Variants in CDH13 observed in about 807,000 individuals in gnomAD.
CDH13 encodes cadherin-13.
In CDH13, 24 loss-of-function variants were observed where a neutral mutation model predicts 63.8. The ratio of observed to expected loss-of-function variants is 0.38; its 90% CI spans 0.27 to 0.53. The LOEUF is 0.53. Among genes scored for constraint, CDH13 ranks in the 20% least tolerant of loss-of-function variants. The probability of loss-of-function intolerance (pLI) is 0.85; values close to 1 mark genes in which losing one functional copy is unlikely to be tolerated. For missense variants in CDH13, 1,049 were observed against 903.1 expected (o/e 1.16, Z -2.07); for synonymous variants, 503 against 355.3 (o/e 1.42, Z -4.67).
intron 1 of CDH13, among the ~76,000 whole-genome samples, chr16:82,778,034 A>T (rs1166029384): frequency 6.6e-6 from 1 of 152,232 alleles, no homozygotes; most frequent in East Asian, 1.9e-4. Context: ...TCTATGCTTT[A>T]GAAGCGAGTC....
chr16:83,320,773 G>C (rs1024496617), intron 5 of CDH13, among the ~76,000 whole-genome samples: 4 of 152,142 alleles, frequency 2.6e-5, no homozygotes, highest in Non-Finnish European at 4.4e-5. Context: ...ATGAGAAAAA[G>C]CACACATCAC....
chr16:83,738,921 G>A (rs542372246), intron 10 of CDH13, among the ~76,000 whole-genome samples: 3 of 152,154 alleles, frequency 2.0e-5, no homozygotes, highest in South Asian at 2.1e-4. Flanking sequence ...AAAAAGGGGG[G>A]GTTTAGGAGA....
At position 83,178,257 on chromosome 16, in the gene CDH13, G is replaced by GAA. The variant is rs1203499773; in HGVS notation, c.484-39088_484-39087insAA. 2.6e-5 allele frequency among the ~76,000 whole-genome samples: 4 copies of GAA among 152,238 alleles called. No individual in the cohort carries two copies. The East Asian group carries it at 7.7e-4, about 29-fold the overall frequency. ...ATAAAAGGATGTTTAATGCACCTGT[G>GAA]GCTGTACCCATTAGCTACCAGCAGC... is the stretch of plus-strand genomic sequence containing the variant. On this transcript the variant is annotated intron_variant, in intron 4 of 13. Transcript: ENST00000567109.
chr16:82,926,275 C>A (rs892009260), intron 2 of CDH13, among the ~76,000 whole-genome samples: 27 of 147,690 alleles, frequency 1.8e-4, no homozygotes, highest in African/African-American at 6.6e-4. Context: ...TCCAGTAAAA[C>A]GTTATTTCCA....
At chr16:83,456,911 G>A (rs919028797) in intron 6 of CDH13, among the ~76,000 whole-genome samples, 11 of 152,158 alleles carry the variant, frequency 7.2e-5, no homozygotes, top group Non-Finnish European at 1.5e-5. Flanking sequence ...GCAGTGAGCT[G>A]AGAAGATGCC....
chr16:83,643,477 A>G (rs1399721897), intron 8 of CDH13, among the ~76,000 whole-genome samples: 1 of 152,210 alleles, frequency 6.6e-6, no homozygotes, highest in Non-Finnish European at 1.5e-5. Context: ...AGGGAGAACT[A>G]TTAATAATAC....
intron 1 of CDH13, among the ~76,000 whole-genome samples, chr16:82,815,680 C>T (rs1284247490): frequency 6.6e-6 from 1 of 152,160 alleles, no homozygotes; most frequent in Non-Finnish European, 1.5e-5. Context: ...CCACAGGGCT[C>T]TGTTATTTGG....
chr16:83,505,255 C>T (rs578005635), intron 7 of CDH13, among the ~76,000 whole-genome samples: 2 of 152,340 alleles, frequency 1.3e-5, no homozygotes, highest in South Asian at 2.1e-4. Flanking sequence ...TTCTAACTGT[C>T]ATAATGCCTA....
chr16:83,396,496 A>T (rs1486640937), intron 6 of CDH13: 2 of 151,844 alleles, frequency 1.3e-5, no homozygotes, highest in Admixed American at 6.6e-5. Flanking sequence ...TTCCTTTAAA[A>T]CCCTTCTCCT....
chr16:83,789,896 A>G, intron 13 of CDH13: 1 of 150,812 alleles, frequency 6.6e-6, no homozygotes, highest in African/African-American at 2.4e-5. Flanking sequence ...AGAGCTCAGT[A>G]GCTGCCACCG....
intron 11 of CDH13, among the ~76,000 whole-genome samples, chr16:83,750,209 T>A (rs1371378848): frequency 6.6e-6 from 1 of 151,884 alleles, no homozygotes; most frequent in African/African-American, 2.4e-5. Flanking sequence ...GGCAGGAGAA[T>A]CTCTTGAACC....
chr16:83,249,778 T>A (rs1905308942), intron 5 of CDH13, among the ~76,000 whole-genome samples: 2 of 152,224 alleles, frequency 1.3e-5, no homozygotes, highest in South Asian at 4.1e-4. Flanking sequence ...CGTTTTTCTT[T>A]CTTGGAACAA....
At chr16:82,952,418 A>T (rs974366994) in intron 2 of CDH13, among the ~76,000 whole-genome samples, 3 of 152,164 alleles carry the variant, frequency 2.0e-5, no homozygotes, top group African/African-American at 7.2e-5. Context: ...GTAAGCTTTC[A>T]ATGAGTGTTG....
intron 7 of CDH13, among the ~76,000 whole-genome samples, chr16:83,586,551 CTTG>C (rs1439372887): frequency 2.6e-5 from 4 of 152,296 alleles, no homozygotes; most frequent in Admixed American, 6.5e-5. Flanking sequence ...TAACATCTGA[CTTG>C]TTGTTCCTTG....
At chr16:82,965,189 C>G (rs1907627877) in intron 2 of CDH13, among the ~76,000 whole-genome samples, 1 of 152,210 alleles carries the variant, frequency 6.6e-6, no homozygotes, top group Non-Finnish European at 1.5e-5. Context: ...AACCCCTCAC[C>G]CGTCTCGTTT....
intron 6 of CDH13, among the ~76,000 whole-genome samples, chr16:83,449,211 A>G (rs1024089873): frequency 2.0e-5 from 3 of 152,144 alleles, no homozygotes; most frequent in Non-Finnish European, 4.4e-5. Context: ...ATGTCTTCTC[A>G]TTTATAATGT....
chr16:82,940,312 C>T (rs910754750), intron 2 of CDH13, among the ~76,000 whole-genome samples: 1 of 152,066 alleles, frequency 6.6e-6, no homozygotes, highest in Non-Finnish European at 1.5e-5. Flanking sequence ...AGTTTTTCCA[C>T]CTGTAAAATG....
chr16:83,372,205 G>C (rs1395023055), intron 6 of CDH13, among the ~76,000 whole-genome samples: 1 of 152,184 alleles, frequency 6.6e-6, no homozygotes, highest in African/African-American at 2.4e-5. Flanking sequence ...TTATAGGTGA[G>C]AACACTGAGT....
chr16:83,145,152 G>A (rs1009834407), intron 4 of CDH13, among the ~76,000 whole-genome samples: 15 of 152,174 alleles, frequency 9.9e-5, no homozygotes, highest in African/African-American at 3.6e-4. Context: ...CAAAGCCAGA[G>A]GACATCCAAT....
Sources: gnomAD v4.1 joint callset for allele counts (sites outside exome capture counted in the v4.1 genomes callset) on GRCh38, gnomAD v4.1.1 for gene constraint, MANE v1.5 for transcripts, NCBI Gene and HGNC (gene_info 2026-07-23, HGNC 2026-07-21) for gene names.